Variants in SMAD9 observed in about 807,000 individuals in gnomAD.
The protein encoded by SMAD9 is SMAD family member 9, also known as MAD homolog 9.
A neutral mutation model predicts 46.1 loss-of-function variants in SMAD9; 36 were observed. The observed-to-expected ratio is 0.78, with a 90% CI of 0.60 to 1.03. The LOEUF is 1.03. Among genes scored for constraint, SMAD9 ranks in the 50% least tolerant of loss-of-function variants. SMAD9 has a pLI of 0.00. For synonymous variants in SMAD9, 245 were observed against 237.1 expected, an observed-to-expected ratio of 1.03 and a Z score of -0.31; for missense variants, 572 against 599.8, an observed-to-expected ratio of 0.95 and a Z score of 0.48.
intron 4 of SMAD9, 94 bp downstream of exon 4, chr13:36,867,179 C>A: frequency 1.2e-6 from 1 of 833,136 alleles, no homozygotes; most frequent in Non-Finnish European, 2.0e-6. Flanking sequence ...CAGGCCAGTA[C>A]ATTTCTGGTT....
intron 5 of SMAD9, among the ~76,000 whole-genome samples, chr13:36,861,289 G>A (rs1382334753): frequency 6.6e-6 from 1 of 152,120 alleles, no homozygotes; most frequent in Non-Finnish European, 1.5e-5. Flanking sequence ...CTGGGTAGGG[G>A]AATGGCTCAT....
chr13:36,864,263 C>T (rs553283589), intron 5 of SMAD9, among the ~76,000 whole-genome samples: 113 of 152,220 alleles, frequency 7.4e-4, no homozygotes, highest in Non-Finnish European at 1.4e-3. Flanking sequence ...TCATTTCTTC[C>T]CTCCTTGTCA....
intron 1 of SMAD9, among the ~76,000 whole-genome samples, chr13:36,901,781 G>T (rs191777384): frequency 1.3e-5 from 2 of 152,268 alleles, no homozygotes; most frequent in Admixed American, 1.3e-4. Context: ...GAGCAAATTT[G>T]CTGTCCATTT....
At chr13:36,913,999 T>C (rs1290312387) in intron 1 of SMAD9, among the ~76,000 whole-genome samples, 2 of 152,202 alleles carry the variant, frequency 1.3e-5, no homozygotes, top group African/African-American at 2.4e-5. Flanking sequence ...ATTTGGAAAC[T>C]GGAATTCACC....
upstream of SMAD9, chr13:36,920,371 C>T (rs1446278079): frequency 2.7e-5 from 4 of 150,562 alleles, no homozygotes; most frequent in East Asian, 7.8e-4. Context: ...GGGGGCTGCG[C>T]GGGCCCGGCG....
At chr13:36,902,982 C>T (rs930017213) in intron 1 of SMAD9, among the ~76,000 whole-genome samples, 3 of 152,000 alleles carry the variant, frequency 2.0e-5, no homozygotes, top group Non-Finnish European at 2.9e-5. Flanking sequence ...CTGAAATAAG[C>T]GTGAGGATGG....
At chr13:36,851,889 A>G in intron 6 of SMAD9, 1 of 966,358 alleles carries the variant, frequency 1.0e-6, no homozygotes, top group Non-Finnish European at 1.2e-6. Context: ...AGATTTCTAT[A>G]TAAGCTTATA....
chr13:36,898,456 G>GA (rs995516894), intron 1 of SMAD9, among the ~76,000 whole-genome samples: 22 of 150,018 alleles, frequency 1.5e-4, no homozygotes, highest in Admixed American at 3.3e-4. Context: ...TAAGATATTA[G>GA]AAAAAAAAAG....
At chr13:36,870,258 G>A (rs1258989142) in intron 3 of SMAD9, among the ~76,000 whole-genome samples, 1 of 152,136 alleles carries the variant, frequency 6.6e-6, no homozygotes, top group Non-Finnish European at 1.5e-5. Context: ...ATAGAGGTGT[G>A]TTAGGTAAAT....
At chr13:36,893,607 A>C (rs527810966) in intron 1 of SMAD9, among the ~76,000 whole-genome samples, 1 of 151,628 alleles carries the variant, frequency 6.6e-6, no homozygotes, top group Non-Finnish European at 1.5e-5. Flanking sequence ...TAATAAAAAC[A>C]TATTAATGAT....
intron 1 of SMAD9, 64 bp downstream of exon 1, chr13:36,920,052 G>C (rs1163489184): frequency 2.0e-5 from 3 of 147,542 alleles, no homozygotes. Context: ...ACCCAGGTCC[G>C]GCGCCCCCAA....
In SMAD9 at chr13:36,879,686, G is replaced by A. The variant is rs941764904; in HGVS notation, c.4C>T (p.His2Tyr). ...AGGGAGCTGATGGGGGTGGTGGAGT[G>A]CATAAGAGGCCACAGCAGGCTCCGG... M[H>Y]STTPISSLFS... Residue 2 changes from histidine (H) to tyrosine (Y), a missense_variant, in exon 2 of 7, where the codon CAC becomes TAC. By Grantham distance (83) the His-to-Tyr change is moderately conservative. Transcript: ENST00000379826. The A allele has an allele frequency of 4.3e-6, 7 of 1,613,922 alleles. No individual in the cohort carries two copies. Among genetic ancestry groups the A allele is most frequent in the Non-Finnish European group, 5.1e-6 (6 of 1,180,042 alleles).
chr13:36,888,289 CTGCT>C (rs2058463999), intron 1 of SMAD9, among the ~76,000 whole-genome samples: 1 of 152,240 alleles, frequency 6.6e-6, no homozygotes, highest in South Asian at 2.1e-4. Flanking sequence ...CTCATGAGAT[CTGCT>C]TGTTTGGTAA....
At chr13:36,906,098 C>T (rs2058618196) in intron 1 of SMAD9, among the ~76,000 whole-genome samples, 1 of 152,064 alleles carries the variant, frequency 6.6e-6, no homozygotes, top group Admixed American at 6.6e-5. Context: ...CTTCACTGAT[C>T]AAATTTCTAC....
intron 1 of SMAD9, among the ~76,000 whole-genome samples, chr13:36,896,924 A>C (rs1479896061): frequency 6.6e-6 from 1 of 152,148 alleles, no homozygotes; most frequent in African/African-American, 2.4e-5. Flanking sequence ...CTTTTATTTG[A>C]ATCCTAAGTT....
At chr13:36,908,458 C>A (rs1340064108) in intron 1 of SMAD9, among the ~76,000 whole-genome samples, 1 of 152,162 alleles carries the variant, frequency 6.6e-6, no homozygotes, top group Non-Finnish European at 1.5e-5. Flanking sequence ...GACTTCAAAT[C>A]AATTGAAAAG....
At chr13:36,857,950 T>C (rs1012726592) in intron 5 of SMAD9, among the ~76,000 whole-genome samples, 1 of 152,166 alleles carries the variant, frequency 6.6e-6, no homozygotes, top group Non-Finnish European at 1.5e-5. Flanking sequence ...AGAAAATATA[T>C]ATATTTCTGA....
At chr13:36,910,844 G>GT (rs1451448574) in intron 1 of SMAD9, among the ~76,000 whole-genome samples, 1 of 152,134 alleles carries the variant, frequency 6.6e-6, no homozygotes, top group African/African-American at 2.4e-5. Flanking sequence ...CCCAGATTTG[G>GT]TAAGTGTTTT....
At chr13:36,884,559 G>C (rs2058429336) in intron 1 of SMAD9, among the ~76,000 whole-genome samples, 1 of 152,190 alleles carries the variant, frequency 6.6e-6, no homozygotes, top group Non-Finnish European at 1.5e-5. Flanking sequence ...TAAAAGAAAA[G>C]CAGCGCTGAC....
Sources: allele counts gnomAD v4.1 joint callset (sites outside exome capture counted in the v4.1 genomes callset), GRCh38; gene constraint gnomAD v4.1.1; transcripts MANE v1.5; gene names NCBI Gene and HGNC (gene_info 2026-07-23, HGNC 2026-07-21).